Variants in CRIM1 observed in about 807,000 individuals in gnomAD.
CRIM1 encodes cysteine-rich motor neuron 1 protein.
In CRIM1, 32 loss-of-function variants were observed where a neutral mutation model predicts 116.4. That is an observed-to-expected ratio of 0.27 (90% CI 0.21 to 0.37). The LOEUF (loss-of-function observed/expected upper bound fraction) is 0.37, where lower values mean the gene tolerates loss of function less well. Among genes scored for constraint, CRIM1 ranks in the 10% least tolerant of loss-of-function variants. The probability of loss-of-function intolerance (pLI) is 1.00; values close to 1 mark genes in which losing one functional copy is unlikely to be tolerated. For synonymous variants in CRIM1, 590 were observed against 509.2 expected (o/e 1.16, Z -2.13); for missense variants, 1,331 against 1,354.8 (o/e 0.98, Z 0.28).
At chr2:36,511,228 A>G (rs932459351) in intron 9 of CRIM1, among the ~76,000 whole-genome samples, 8 of 152,164 alleles carry the variant, frequency 5.3e-5, no homozygotes, top group African/African-American at 1.9e-4. Context: ...GGCATGAGCC[A>G]CTGTGCCTGG....
rs199702834 is a variant in CRIM1 at position 36,441,573 on chromosome 2, CT to C, written c.748+74del. ...GTAGCAGATCCCTCCTCAGCCACCC[CT>C]GGCCTCTCCTTTCACACGAAGATGG... On this transcript the variant is annotated intron_variant, in intron 3 of 16. Coordinates refer to ENST00000280527, the MANE Select transcript of CRIM1 (RefSeq NM_016441.3). 4,392 of 1,551,060 alleles carry C rather than the reference CT, an allele frequency of 2.8e-3. 111 individuals carry two copies. In the African/African-American group the frequency reaches 0.052, roughly 18 times the overall value.
chr2:36,450,837 G>T (rs1259775841), intron 4 of CRIM1, among the ~76,000 whole-genome samples: 1 of 152,196 alleles, frequency 6.6e-6, no homozygotes, highest in Admixed American at 6.5e-5. Flanking sequence ...AATTCATTTT[G>T]TTGGTGCTGT....
rs570434394 is a variant in CRIM1, at chr2:36,538,520, A to G, written c.2623+974A>G. ...AATACAGGGAGCTGGGAACCATGCC[A>G]ATTCACAAGTGCATCTGTACTATGC... On this transcript the variant is annotated intron_variant, in intron 14 of 16. Coordinates refer to ENST00000280527, the MANE Select transcript of CRIM1 (RefSeq NM_016441.3). Among the ~76,000 whole-genome samples, 3 of 152,340 alleles carry G rather than the reference A, an allele frequency of 2.0e-5. No individual in the cohort carries two copies. The South Asian group carries it at 6.2e-4, about 32-fold the overall frequency.
At chr2:36,390,725 T>G (rs917216409) in intron 1 of CRIM1, among the ~76,000 whole-genome samples, 2 of 152,148 alleles carry the variant, frequency 1.3e-5, no homozygotes, top group African/African-American at 4.8e-5. Flanking sequence ...AAGAAAGGAA[T>G]TTAAGCAAAA....
chr2:36,502,544 TA>T (rs1681073911), intron 8 of CRIM1, among the ~76,000 whole-genome samples: 1 of 152,200 alleles, frequency 6.6e-6, no homozygotes, highest in South Asian at 2.1e-4. Context: ...TCACCTAATA[TA>T]AACAGAGCAC....
chr2:36,550,041 ATG>A lies in CRIM1; in HGVS notation c.*1365_*1366del, dbSNP rs71396495. ...GAAAGATGTGTGTGTGAGAGTATGT[ATG>A]TGTGTGTGTGTGTGTGTGTGTGTGC... On this transcript the variant is annotated 3_prime_UTR_variant, in exon 17 of 17. Coordinates refer to ENST00000280527, the MANE Select transcript of CRIM1 (RefSeq NM_016441.3). The A allele has an allele frequency of 0.032, 4,678 of 146,024 alleles. 103 individuals are homozygous for A. The highest frequency in any genetic ancestry group is 0.064 in the African/African-American group (2,503 of 39,390). 9.0% of individuals were successfully genotyped at this position (146,024 alleles called of 1,614,324 possible). A position where few individuals can be genotyped will look rare whatever the true frequency, so the allele number is the denominator to read the frequency against.
intron 1 of CRIM1, among the ~76,000 whole-genome samples, chr2:36,388,867 A>G (rs1671368162): frequency 6.6e-6 from 1 of 152,176 alleles, no homozygotes; most frequent in South Asian, 2.1e-4. Flanking sequence ...TTAATAACAA[A>G]TATTTTGCTG....
chr2:36,491,723 C>T (rs1680239711), intron 7 of CRIM1, among the ~76,000 whole-genome samples: 1 of 152,142 alleles, frequency 6.6e-6, no homozygotes. Flanking sequence ...CAACCATTTG[C>T]CAGAAGGGTA....
intron 1 of CRIM1, among the ~76,000 whole-genome samples, chr2:36,379,889 A>C (rs183265234): frequency 1.0e-3 from 153 of 149,720 alleles, no homozygotes; most frequent in African/African-American, 3.7e-3. Context: ...ATTTATTAAA[A>C]GCAATGGTTT....
intron 5 of CRIM1, among the ~76,000 whole-genome samples, chr2:36,475,718 T>C (rs1202073493): frequency 1.3e-5 from 2 of 152,208 alleles, no homozygotes; most frequent in African/African-American, 4.8e-5. Flanking sequence ...TGTAGGACTT[T>C]TGAGGATGCC....
chr2:36,358,027 G>C (rs1193542625), intron 1 of CRIM1, among the ~76,000 whole-genome samples: 4 of 152,178 alleles, frequency 2.6e-5, no homozygotes, highest in African/African-American at 9.7e-5. Context: ...GAAAATAGGG[G>C]AGGGTTTTCT....
At chr2:36,415,276 A>G (rs1390070208) in intron 2 of CRIM1, among the ~76,000 whole-genome samples, 1 of 152,112 alleles carries the variant, frequency 6.6e-6, no homozygotes, top group Non-Finnish European at 1.5e-5. Context: ...AACTGAGAGT[A>G]TACTGGAGGC....
intron 13 of CRIM1, among the ~76,000 whole-genome samples, chr2:36,535,922 G>C (rs951243882): frequency 5.3e-5 from 8 of 152,218 alleles, no homozygotes; most frequent in Non-Finnish European, 1.0e-4. Flanking sequence ...ATGTGAGTAG[G>C]TATATACAAA....
At chr2:36,466,914 C>T (rs985547089) in intron 5 of CRIM1, among the ~76,000 whole-genome samples, 1 of 152,264 alleles carries the variant, frequency 6.6e-6, no homozygotes, top group Non-Finnish European at 1.5e-5. Context: ...GAGTGCCCTT[C>T]TTCTCTCCTT....
At chr2:36,507,623 A>G (rs1426423896) in intron 8 of CRIM1, among the ~76,000 whole-genome samples, 3 of 152,246 alleles carry the variant, frequency 2.0e-5, no homozygotes, top group African/African-American at 7.2e-5. Flanking sequence ...TCCCACTCCT[A>G]GGAGGCATAG....
At chr2:36,531,590 G>C (rs1424907319) in intron 13 of CRIM1, among the ~76,000 whole-genome samples, 1 of 152,112 alleles carries the variant, frequency 6.6e-6, no homozygotes, top group Non-Finnish European at 1.5e-5. Flanking sequence ...TAGCTCAGGA[G>C]TAAAAACAAA....
chr2:36,446,614 AT>A (rs2124953000), intron 4 of CRIM1, among the ~76,000 whole-genome samples: 2 of 152,238 alleles, frequency 1.3e-5, no homozygotes, highest in South Asian at 4.2e-4. Context: ...GATGTAATTA[AT>A]TTTTAACCAT....
intron 13 of CRIM1, among the ~76,000 whole-genome samples, chr2:36,527,442 A>T (rs917167302): frequency 3.3e-5 from 5 of 152,158 alleles, no homozygotes; most frequent in African/African-American, 1.2e-4. Flanking sequence ...GGACTTTGCC[A>T]TGGAGCTGGC....
At chr2:36,481,764 C>G (rs1477712337) in intron 7 of CRIM1, among the ~76,000 whole-genome samples, 2 of 152,118 alleles carry the variant, frequency 1.3e-5, no homozygotes, top group Non-Finnish European at 2.9e-5. Flanking sequence ...TGAAGATCAA[C>G]GGAAGTTTGT....
Sources: gnomAD v4.1 joint callset for allele counts (sites outside exome capture counted in the v4.1 genomes callset) on GRCh38, gnomAD v4.1.1 for gene constraint, MANE v1.5 for transcripts, NCBI Gene and HGNC (gene_info 2026-07-23, HGNC 2026-07-21) for gene names.